PKHD1: variants seen among roughly 807,000 people sequenced by gnomAD.
The protein encoded by PKHD1 is PKHD1 ciliary IPT domain containing fibrocystin/polyductin, also known as fibrocystin.
In PKHD1, 291 loss-of-function variants were observed where a neutral mutation model predicts 412.0. The observed-to-expected ratio is 0.71, with a 90% CI of 0.64 to 0.78. The LOEUF is 0.78. Ranked by LOEUF, PKHD1 falls within the 30% of genes least tolerant of loss-of-function variation. The probability of loss-of-function intolerance (pLI) is 0.00; values close to 1 mark genes in which losing one functional copy is unlikely to be tolerated. For synonymous variants in PKHD1, 1,777 were observed against 1,821.5 expected, an observed-to-expected ratio of 0.98 and a Z score of 0.62; for missense variants, 4,825 against 4,950.7, an observed-to-expected ratio of 0.97 and a Z score of 0.76.
At chr6:51,957,607 G>T (rs1000705044) in intron 36 of PKHD1, among the ~76,000 whole-genome samples, 1 of 152,032 alleles carries the variant, frequency 6.6e-6, no homozygotes, top group Non-Finnish European at 1.5e-5. Context: ...CAGCCGACGG[G>T]GTTCACTGAT....
At chr6:51,936,485 T>C (rs56298699) in intron 36 of PKHD1, among the ~76,000 whole-genome samples, 5,728 of 152,260 alleles carry the variant, frequency 0.038, 391 homozygotes, top group African/African-American at 0.13. Flanking sequence ...TGAGTTTTTG[T>C]TGCTTTCCAG....
rs1766049247 is a variant in PKHD1, at chr6:51,616,160, T to C, written c.*2921A>G. 1 of 152,390 alleles carries C rather than the reference T, an allele frequency of 6.6e-6. No individual in the cohort carries two copies. The highest frequency in any genetic ancestry group is 1.5e-5 in the Non-Finnish European group (1 of 68,176). The allele number at this position is 152,390 out of a possible 1,614,324, so 9.4% of individuals were successfully genotyped here. A position where few individuals can be genotyped will look rare whatever the true frequency, so the allele number is the denominator to read the frequency against. ...TGGATCAGTTGAACTAATTAACATATGTATCACCTCACACACTAGCATTTT... is the reference window on the plus strand; with the variant it reads ...TGGATCAGTTGAACTAATTAACATACGTATCACCTCACACACTAGCATTTT... On this transcript the variant is annotated 3_prime_UTR_variant, in exon 67 of 67. Coordinates refer to ENST00000371117, the MANE Select transcript of PKHD1 (RefSeq NM_138694.4).
chr6:51,748,677 T>C lies in PKHD1; in HGVS notation c.8951-12A>G, dbSNP rs375984959. On this transcript the variant is annotated splice_polypyrimidine_tract_variant and intron_variant, in intron 57 of 66. Coordinates refer to ENST00000371117, the MANE Select transcript of PKHD1 (RefSeq NM_138694.4). ...AAGTTGAAGGACACCTATAAACAAA[T>C]GCATGTCATCAGGTACTTTCCTCTT... 2.5e-6 allele frequency: 4 copies of C among 1,612,726 alleles called. No homozygotes were observed. Among genetic ancestry groups the C allele is most frequent in the Non-Finnish European group, 3.4e-6 (4 of 1,179,146 alleles).
intron 46 of PKHD1, among the ~76,000 whole-genome samples, chr6:51,872,408 T>C (rs1381173124): frequency 2.6e-5 from 1 of 38,054 alleles, no homozygotes; most frequent in East Asian, 7.5e-4. Flanking sequence ...TGAGTTTTTG[T>C]TTTTTGGTTT....
chr6:51,838,326 A>G (rs1269370729), intron 50 of PKHD1, among the ~76,000 whole-genome samples: 1 of 152,200 alleles, frequency 6.6e-6, no homozygotes, highest in Admixed American at 6.5e-5. Context: ...GGGCCAATTT[A>G]GAAATCCTAG....
At chr6:52,083,945 A>G (rs567046484) in intron 2 of PKHD1, among the ~76,000 whole-genome samples, 59 of 151,992 alleles carry the variant, frequency 3.9e-4, no homozygotes, top group African/African-American at 1.4e-3. Flanking sequence ...TGAAGCATGG[A>G]TCATTGCTGG....
intron 60 of PKHD1, among the ~76,000 whole-genome samples, chr6:51,698,733 A>G (rs191877142): frequency 5.9e-5 from 9 of 152,214 alleles, no homozygotes; most frequent in African/African-American, 2.2e-4. Flanking sequence ...TTTCTAACAT[A>G]ACACATTTCT....
At chr6:51,677,435 G>A (rs573173287) in intron 60 of PKHD1, among the ~76,000 whole-genome samples, 1 of 152,272 alleles carries the variant, frequency 6.6e-6, no homozygotes, top group Admixed American at 6.5e-5. Context: ...CTAAGAACAG[G>A]AAGCTGCTGT....
At chr6:51,771,593 T>C (rs1790146448) in intron 55 of PKHD1, among the ~76,000 whole-genome samples, 1 of 151,726 alleles carries the variant, frequency 6.6e-6, no homozygotes, top group Admixed American at 6.6e-5. Context: ...CAATCCATCC[T>C]GGCCAATAGA....
chr6:51,850,835 T>C (rs1032304187), intron 49 of PKHD1, among the ~76,000 whole-genome samples: 3 of 152,210 alleles, frequency 2.0e-5, no homozygotes, highest in African/African-American at 7.2e-5. Context: ...AATCATGTCA[T>C]CTGCAAAGAG....
At chr6:51,949,808 G>T (rs1790041755) in intron 36 of PKHD1, among the ~76,000 whole-genome samples, 1 of 152,098 alleles carries the variant, frequency 6.6e-6, no homozygotes, top group East Asian at 1.9e-4. Context: ...TCTCTGGCTG[G>T]CTACTAATTA....
chr6:51,723,281 C>T (rs1246884942), intron 60 of PKHD1, among the ~76,000 whole-genome samples: 2 of 152,154 alleles, frequency 1.3e-5, no homozygotes, highest in Non-Finnish European at 2.9e-5. Context: ...TGATGAGTCC[C>T]ATTTTCAACA....
intron 32 of PKHD1, 30 bp downstream of exon 32, chr6:52,024,544 A>G (rs766532140): frequency 3.1e-6 from 5 of 1,597,756 alleles, no homozygotes; most frequent in African/African-American, 1.3e-5. Flanking sequence ...TTACATAAAG[A>G]AAGTGTGCTG....
At chr6:51,781,225 G>A (rs1434061947) in intron 53 of PKHD1, among the ~76,000 whole-genome samples, 5 of 152,110 alleles carry the variant, frequency 3.3e-5, no homozygotes, top group African/African-American at 1.2e-4. Context: ...AATTCCCAGT[G>A]TATATTTGAC....
At chr6:51,941,236 C>CTTTTTTTTT (rs539546758) in intron 36 of PKHD1, among the ~76,000 whole-genome samples, 10 of 63,082 alleles carry the variant, frequency 1.6e-4, no homozygotes, top group Non-Finnish European at 2.8e-4. Flanking sequence ...ACAGCATGGC[C>CTTTTTTTTT]TTTTTTTTTT....
chr6:51,948,954 G>A (rs991895512), intron 36 of PKHD1, among the ~76,000 whole-genome samples: 8 of 152,118 alleles, frequency 5.3e-5, no homozygotes, highest in African/African-American at 1.9e-4. Context: ...GAGAGAAAAG[G>A]TGCACAGCCA....
chr6:51,970,642 G>A (rs186593808), intron 35 of PKHD1, among the ~76,000 whole-genome samples: 1 of 152,302 alleles, frequency 6.6e-6, no homozygotes, highest in East Asian at 1.9e-4. Context: ...GTTAAAGATA[G>A]AGGTCCAGTT....
chr6:51,839,405 CA>C (rs996430330), intron 50 of PKHD1, among the ~76,000 whole-genome samples: 7 of 150,602 alleles, frequency 4.6e-5, no homozygotes, highest in African/African-American at 1.2e-4. Context: ...CTCAAAAAGA[CA>C]AAAAAAAAGT....
At position 51,898,658 on chromosome 6, in the gene PKHD1, T is replaced by G. The variant is rs550936491; in HGVS notation, c.6996+4939A>C. On this transcript the variant is annotated intron_variant, in intron 43 of 66. Transcript: ENST00000371117. ...AAGCTAGCAGAAGGCAAGAAATAAC[T>G]AAAATCAGAGCAGAACTGAAGGAAA... 9.2e-4 allele frequency among the ~76,000 whole-genome samples: 116 copies of G among 126,206 alleles called. 2 individuals carry two copies. Among genetic ancestry groups the G allele is most frequent in the Admixed American group, 1.5e-3 (18 of 11,920 alleles). The allele number at this position is 126,206 out of a possible 152,430, so 82.8% of individuals were successfully genotyped here. A position where few individuals can be genotyped will look rare whatever the true frequency, so the allele number is the denominator to read the frequency against.
Sources: gnomAD v4.1 joint callset for allele counts (sites outside exome capture counted in the v4.1 genomes callset) on GRCh38, gnomAD v4.1.1 for gene constraint, MANE v1.5 for transcripts, NCBI Gene and HGNC (gene_info 2026-07-23, HGNC 2026-07-21) for gene names.